Variants in CDR2L observed in about 807,000 individuals in gnomAD.
CDR2L encodes the protein cerebellar degeneration-related protein 2-like.
CDR2L carries 19 observed loss-of-function variants against 36.1 expected under a neutral mutation model. The observed-to-expected ratio is 0.53, with a 90% confidence interval of 0.37 to 0.77. The LOEUF is 0.77. Ranked by LOEUF, CDR2L falls within the 30% of genes least tolerant of loss-of-function variation. The pLI is 0.00. For missense variants in CDR2L, 575 were observed against 627.2 expected (o/e 0.92, Z 0.89); for synonymous variants, 285 against 280.4 (o/e 1.02, Z -0.16).
rs58051708 is a variant in CDR2L, at chr17:75,002,859, A to G, written c.507-324A>G. 0.056 allele frequency among the ~76,000 whole-genome samples: 8,451 copies of G among 152,208 alleles called. 589 individuals are homozygous for G. The highest frequency in any genetic ancestry group is 0.17 in the African/African-American group (6,883 of 41,494). On this transcript the variant is annotated intron_variant, in intron 4 of 4. Transcript: ENST00000337231. This position sits in a 1 kb window ranked among gnomAD's most constrained non-coding sequence, Gnocchi z 4.1. ...GTATGGAGAAGGCTGCCTGGTCACC[A>G]TTAACCATGGAGAGCCCAAAGAAGA... is the stretch of plus-strand genomic sequence containing the variant.
rs761658844 is a variant in CDR2L at position 75,001,358 on chromosome 17, G to A, written c.210G>A (p.Leu70=). 4.4e-6 allele frequency: 7 copies of A among 1,608,862 alleles called. No homozygotes were observed. In the South Asian group the frequency reaches 7.8e-5, roughly 18 times the overall value. ...ACCCCCAGTACCTAACCAAGCAGCT[G>A]GACACGCTGCGGCACGTGAACGAGC... ...VQEIEYLTKQ[L]DTLRHVNEQH... Residue 70 remains leucine, a synonymous_variant, in exon 3 of 5, where the codon CTG becomes CTA. Transcript: ENST00000337231.
intron 2 of CDR2L, 98 bp from the exon 3 acceptor site, chr17:75,001,243 G>T: frequency 1.5e-6 from 2 of 1,302,170 alleles, no homozygotes; most frequent in Non-Finnish European, 2.0e-6. Context: ...CAAAAGAAAA[G>T]AAAAGAAAAA....
Position 74,988,037 on chromosome 17 carries a change from C to T in CDR2L, c.-7C>T. ...CGCCGCAGCACCCGCCCGCCGCCCG[C>T]GGGGCCATGCGGAGAGCCGCCGGGA... On this transcript the variant is annotated 5_prime_UTR_variant, in exon 1 of 5. Transcript: ENST00000337231. 6.6e-7 allele frequency: 1 copy of T among 1,514,852 alleles called. No homozygotes were observed. The allele number at this position is 1,514,852 out of a possible 1,614,324, so 93.8% of individuals were successfully genotyped here.
intron 1 of CDR2L, among the ~76,000 whole-genome samples, chr17:74,992,962 T>G (rs2039805170): frequency 6.6e-6 from 1 of 152,222 alleles, no homozygotes; most frequent in Non-Finnish European, 1.5e-5. Flanking sequence ...CTAGTTAAGC[T>G]GCAGGGGCTC....
chr17:74,999,146 G>A (rs2039847913), intron 1 of CDR2L, among the ~76,000 whole-genome samples: 1 of 152,206 alleles, frequency 6.6e-6, no homozygotes, highest in Non-Finnish European at 1.5e-5. Flanking sequence ...CTGCCTTCCA[G>A]CCTAGGAGGA....
At chr17:74,988,768 C>T (rs975824523) in intron 1 of CDR2L, among the ~76,000 whole-genome samples, 1 of 152,118 alleles carries the variant, frequency 6.6e-6, no homozygotes, top group African/African-American at 2.4e-5. Context: ...GGGTCAGGTT[C>T]GGGAATCCCG....
intron 1 of CDR2L, among the ~76,000 whole-genome samples, chr17:74,997,096 T>A (rs2039833400): frequency 7.5e-5 from 10 of 133,342 alleles, no homozygotes; most frequent in South Asian, 2.5e-4. Flanking sequence ...TTTTTTTTTT[T>A]GAGACTGAGT....
chr17:74,995,955 C>T (rs544280510), intron 1 of CDR2L, among the ~76,000 whole-genome samples: 21 of 152,272 alleles, frequency 1.4e-4, no homozygotes, highest in Non-Finnish European at 2.1e-4. Flanking sequence ...CCGCTCTCTC[C>T]CACCCTTCTC....
intron 1 of CDR2L, among the ~76,000 whole-genome samples, chr17:74,993,604 G>C (rs529603794): frequency 6.6e-6 from 1 of 152,126 alleles, no homozygotes; most frequent in Non-Finnish European, 1.5e-5. Flanking sequence ...TTTATGTTAT[G>C]TAACTAGTTT....
Position 74,999,565 on chromosome 17 carries a change from G to T in CDR2L, c.141G>T (p.Gly47=). 6.3e-7 allele frequency: 1 copy of T among 1,588,518 alleles called. No individual in the cohort carries two copies. Among genetic ancestry groups the T allele is most frequent in the Non-Finnish European group, 8.6e-7 (1 of 1,167,790 alleles). The change falls in exon 2 of 5, where the codon GGG becomes GGT. Residue 47 remains glycine (G), a synonymous_variant. Transcript: ENST00000337231. ...TLLERNKELE[G]SLQQMYSTNE... ...TGGAGAGGAACAAGGAGCTGGAGGGGTCCCTGCAGCAGATGTACTCCACCA... is the reference window on the plus strand; with the variant it reads ...TGGAGAGGAACAAGGAGCTGGAGGGTTCCCTGCAGCAGATGTACTCCACCA...
In CDR2L at chr17:75,001,328, C is replaced by G. The variant is rs2039865202; in HGVS notation, c.193-13C>G. 6.3e-7 allele frequency: 1 copy of G among 1,591,642 alleles called. No homozygotes were observed. Among genetic ancestry groups the G allele is most frequent in the Admixed American group, 1.8e-5 (1 of 55,816 alleles). ...CAATTCTAAAAAGTTACTCAATGTC[C>G]TTCCACCCCCAGTACCTAACCAAGC... On this transcript the variant is annotated splice_polypyrimidine_tract_variant and intron_variant, in intron 2 of 4. Transcript: ENST00000337231.
At chr17:74,995,577 G>C (rs1380477420) in intron 1 of CDR2L, among the ~76,000 whole-genome samples, 1 of 152,068 alleles carries the variant, frequency 6.6e-6, no homozygotes, top group Non-Finnish European at 1.5e-5. Context: ...CACAATCTCG[G>C]CTCACTGCAA....
intron 1 of CDR2L, 46 bp from the exon 2 acceptor site, chr17:74,999,458 G>C: frequency 7.7e-7 from 1 of 1,302,404 alleles, no homozygotes. Flanking sequence ...AACATGAATG[G>C]GCGTCCTCTG....
Position 74,999,555 on chromosome 17 carries a change from A to T in CDR2L, c.131A>T (p.Glu44Val). 1 of 1,589,752 alleles carries T rather than the reference A, an allele frequency of 6.3e-7. No homozygotes were observed. The highest frequency in any genetic ancestry group is 8.6e-7 in the Non-Finnish European group (1 of 1,168,454). Residue 44 changes from glutamate (E) to valine (V), a missense_variant, in exon 2 of 5, where the codon GAG becomes GTG. Physicochemically the swap from Glu to Val is moderately radical, Grantham distance 121. Coordinates refer to ENST00000337231, the MANE Select transcript of CDR2L (RefSeq NM_014603.3). ...LGKTLLERNK[E>V]LEGSLQQMYS... ...AAGACTCTGCTGGAGAGGAACAAGG[A>T]GCTGGAGGGGTCCCTGCAGCAGATG...
In CDR2L at chr17:75,002,351, A is replaced by G; in HGVS notation, c.506+123A>G. On this transcript the variant is annotated intron_variant, in intron 4 of 4. Transcript: ENST00000337231. The surrounding 1 kb of genome is among the most constrained non-coding windows in gnomAD (Gnocchi z 4.1). ...ATCAGAGAGACTGGTCCTGTTGCTA[A>G]TGACAGTCACAGCAGCTGGCGTTTA... The G allele has an allele frequency of 1.2e-6, 1 of 835,260 alleles. No homozygotes were observed. The highest frequency in any genetic ancestry group is 1.8e-6 in the Non-Finnish European group (1 of 543,644). The allele number at this position is 835,260 out of a possible 1,614,324, so 51.7% of individuals were successfully genotyped here. A position where few individuals can be genotyped will look rare whatever the true frequency, so the allele number is the denominator to read the frequency against.
At chr17:74,997,076 C>CT (rs1211406933) in intron 1 of CDR2L, among the ~76,000 whole-genome samples, 71 of 3,352 alleles carry the variant, frequency 0.021, no homozygotes, top group African/African-American at 0.027. Context: ...TTCTTTCTTT[C>CT]TTTCTTTCTT....
rs1035495199 is a variant in CDR2L at position 74,987,983 on chromosome 17, G to C, written c.-61G>C. On this transcript the variant is annotated 5_prime_UTR_variant, in exon 1 of 5. Transcript: ENST00000337231. ...CGGCCCGCCTCAGCCGCATTGTCCC[G>C]GGCCGCGCGCACCGGCCCTGAGCTG... The C allele has an allele frequency of 8.4e-6, 9 of 1,069,810 alleles. No homozygotes were observed. The highest frequency in any genetic ancestry group is 2.3e-5 in the South Asian group (1 of 43,410). 66.3% of individuals were successfully genotyped at this position (1,069,810 alleles called of 1,614,324 possible).
At chr17:74,995,549 C>CTGG (rs1567973882) in intron 1 of CDR2L, among the ~76,000 whole-genome samples, 1 of 152,124 alleles carries the variant, frequency 6.6e-6, no homozygotes, top group African/African-American at 2.4e-5. Context: ...CTCTGTCACC[C>CTGG]AGGCTGGAGT....
chr17:74,998,020 A>T (rs1481554289), intron 1 of CDR2L, among the ~76,000 whole-genome samples: 1 of 151,734 alleles, frequency 6.6e-6, no homozygotes, highest in Non-Finnish European at 1.5e-5. Context: ...GGAGATTGAG[A>T]CCATCCTGGC....
Sources: gnomAD v4.1 joint callset for allele counts (sites outside exome capture counted in the v4.1 genomes callset) on GRCh38, gnomAD v4.1.1 for gene constraint, Gnocchi (gnomAD v3.1) non-coding constraint, MANE v1.5 for transcripts, NCBI Gene and HGNC (gene_info 2026-07-23, HGNC 2026-07-21) for gene names.